The following PTPRC variants were observed in gnomAD, a reference collection of about 807,000 sequenced individuals.
PTPRC encodes the protein receptor-type tyrosine-protein phosphatase C.
In PTPRC, 44 loss-of-function variants were observed where a neutral mutation model predicts 155.9. That is an observed-to-expected ratio of 0.28 (90% CI 0.22 to 0.36). The LOEUF is 0.36. Ranked by LOEUF, PTPRC falls within the 10% of genes least tolerant of loss-of-function variation. The pLI is 1.00. For synonymous variants in PTPRC, 525 were observed against 533.1 expected (o/e 0.98, Z 0.21); for missense variants, 1,401 against 1,564.6 (o/e 0.90, Z 1.76).
At position 198,728,340 on chromosome 1, in the gene PTPRC, A is replaced by G. The variant is rs376098272; in HGVS notation, c.1721A>G (p.Tyr574Cys). ...TGAATGTATTATTTTTCATTTCTAG[A>G]TAATTCTAAGGCACTGATAGCATTT... is the stretch of plus-strand genomic sequence containing the variant. ...EPFILHHSTS[Y>C]NSKALIAFLA... The change falls in exon 16 of 33, where the codon TAT becomes TGT. Residue 574 changes from tyrosine to cysteine, a missense_variant and splice_region_variant. Tyr to Cys is a radical substitution (Grantham distance 194, BLOSUM62 -2). Around this residue, in one of 3 missense-constraint regions of PTPRC, gnomAD observed 867 missense variants for 970.4 expected, o/e 0.89. Coordinates refer to ENST00000442510, the MANE Select transcript of PTPRC (RefSeq NM_002838.5). The G allele has an allele frequency of 2.0e-5, 33 of 1,610,586 alleles. No homozygotes were observed. The highest frequency in any genetic ancestry group is 2.8e-5 in the Non-Finnish European group (33 of 1,177,876).
At chr1:198,735,564 A>G (rs1258649736) in intron 23 of PTPRC, among the ~76,000 whole-genome samples, 4 of 143,950 alleles carry the variant, frequency 2.8e-5, no homozygotes, top group Non-Finnish European at 1.5e-5. Context: ...AGAATAAGCA[A>G]TTTGTCTTCA....
At chr1:198,707,580 T>C (rs762839655) in intron 9 of PTPRC, among the ~76,000 whole-genome samples, 1 of 152,222 alleles carries the variant, frequency 6.6e-6, no homozygotes, top group Non-Finnish European at 1.5e-5. Flanking sequence ...AGACTATTAA[T>C]AAATTTGTTA....
intron 2 of PTPRC, among the ~76,000 whole-genome samples, chr1:198,663,017 C>T (rs116438229): frequency 1.3e-5 from 2 of 152,238 alleles, no homozygotes; most frequent in African/African-American, 4.8e-5. Context: ...AGCTACTGGC[C>T]AAAGGGGAGA....
intron 29 of PTPRC, 77 bp downstream of exon 29, chr1:198,750,703 A>G (rs1655342836): frequency 3.2e-6 from 5 of 1,541,160 alleles, no homozygotes; most frequent in Non-Finnish European, 4.5e-6. Context: ...TGCTTGCTTC[A>G]TCGCCATACC....
intron 2 of PTPRC, among the ~76,000 whole-genome samples, chr1:198,687,556 GTATT>G (rs924959079): frequency 5.4e-4 from 81 of 151,138 alleles, no homozygotes; most frequent in African/African-American, 1.6e-3. Flanking sequence ...CTCCACCAAA[GTATT>G]TGTTAGTGTT....
At chr1:198,724,853 G>A (rs1654057808) in intron 15 of PTPRC, among the ~76,000 whole-genome samples, 1 of 152,122 alleles carries the variant, frequency 6.6e-6, no homozygotes, top group South Asian at 2.1e-4. Flanking sequence ...CCAGGCTGGA[G>A]TGCAGTGGCA....
Position 198,655,956 on chromosome 1 carries a change from C to T in PTPRC, c.73+16615C>T, listed in dbSNP as rs182842913. Reference sequence around the variant, plus strand: ...GACCAGTTGGTTAAACTACTGGATGCTTCATCAGAAAGCACCCACTAAGCA... The same window carrying T: ...GACCAGTTGGTTAAACTACTGGATGTTTCATCAGAAAGCACCCACTAAGCA... On this transcript the variant is annotated intron_variant, in intron 2 of 32. Coordinates refer to ENST00000442510, the MANE Select transcript of PTPRC (RefSeq NM_002838.5). Among the ~76,000 whole-genome samples, 10 of 152,152 alleles carry T rather than the reference C, an allele frequency of 6.6e-5. No individual in the cohort carries two copies. The East Asian group carries it at 1.7e-3, about 26-fold the overall frequency.
intron 2 of PTPRC, among the ~76,000 whole-genome samples, chr1:198,642,116 G>C (rs1284962689): frequency 6.6e-6 from 1 of 151,720 alleles, no homozygotes; most frequent in Non-Finnish European, 1.5e-5. Flanking sequence ...GAAAGACTAC[G>C]GCTAGGGCCT....
chr1:198,687,360 A>G (rs1013163405), intron 2 of PTPRC, among the ~76,000 whole-genome samples: 7 of 152,114 alleles, frequency 4.6e-5, no homozygotes, highest in African/African-American at 1.7e-4. Flanking sequence ...TGATTTTGGT[A>G]ATGTTTAATA....
intron 2 of PTPRC, chr1:198,679,910 A>G: frequency 1.6e-6 from 1 of 607,700 alleles, no homozygotes. Flanking sequence ...CTGTTAACCT[A>G]GGTGGGCGTC....
intron 2 of PTPRC, among the ~76,000 whole-genome samples, chr1:198,649,165 G>T (rs890168286): frequency 2.6e-5 from 4 of 151,784 alleles, no homozygotes; most frequent in Non-Finnish European, 5.9e-5. Flanking sequence ...TGGTTCATTT[G>T]ATAAATGTGG....
intron 7 of PTPRC, chr1:198,703,625 A>G: frequency 1.7e-6 from 1 of 596,542 alleles, no homozygotes. Context: ...ATCTACTAGA[A>G]CTTTTTCTCA....
chr1:198,742,091 G>A, intron 24 of PTPRC, 65 bp downstream of exon 24: 1 of 1,604,016 alleles, frequency 6.2e-7, no homozygotes, highest in Non-Finnish European at 8.5e-7. Flanking sequence ...CACCTGCCTA[G>A]GGCTGTTAGA....
At chr1:198,651,886 C>T (rs1448243019) in intron 2 of PTPRC, among the ~76,000 whole-genome samples, 1 of 151,744 alleles carries the variant, frequency 6.6e-6, no homozygotes, top group Admixed American at 6.6e-5. Flanking sequence ...GTGCCTGGCA[C>T]TCCATATGAT....
At chr1:198,734,583 A>C (rs930582411) in intron 22 of PTPRC, among the ~76,000 whole-genome samples, 158 bp downstream of exon 22, 1 of 151,820 alleles carries the variant, frequency 6.6e-6, no homozygotes, top group African/African-American at 2.4e-5. Flanking sequence ...TCATACATGT[A>C]GAAAACTAAA....
chr1:198,704,643 A>G (rs1470418264), intron 8 of PTPRC, 145 bp downstream of exon 8: 1 of 1,452,778 alleles, frequency 6.9e-7, no homozygotes, highest in African/African-American at 1.4e-5. Context: ...TCAAATTAGT[A>G]AAAAATTACT....
At chr1:198,729,365 C>T (rs1451667327) in intron 17 of PTPRC, among the ~76,000 whole-genome samples, 194 bp downstream of exon 17, 1 of 152,218 alleles carries the variant, frequency 6.6e-6, no homozygotes, top group African/African-American at 2.4e-5. Context: ...GCCTCAGCTT[C>T]CCAAGTATCT....
chr1:198,686,766 T>C (rs1665646641), intron 2 of PTPRC, among the ~76,000 whole-genome samples: 1 of 152,174 alleles, frequency 6.6e-6, no homozygotes, highest in Admixed American at 6.5e-5. Flanking sequence ...TATGCAAAAA[T>C]TTTGTTTGCT....
intron 2 of PTPRC, among the ~76,000 whole-genome samples, chr1:198,648,828 T>A (rs1571778275): frequency 6.6e-6 from 1 of 151,842 alleles, no homozygotes; most frequent in African/African-American, 2.4e-5. Context: ...GTGAGTGATA[T>A]GATGGAAAGA....
Sources: allele counts gnomAD v4.1 joint callset (sites outside exome capture counted in the v4.1 genomes callset), GRCh38; gene constraint gnomAD v4.1.1; regional missense constraint gnomAD v4.1.1; transcripts MANE v1.5; gene names NCBI Gene and HGNC (gene_info 2026-07-23, HGNC 2026-07-21).